The following AAR2 variants were observed in gnomAD, a reference collection of about 807,000 sequenced individuals.
AAR2 encodes the protein AAR2 splicing factor.
AAR2 carries 31 observed loss-of-function variants against 26.9 expected under a neutral mutation model. That is an observed-to-expected ratio of 1.15 (90% CI 0.86 to 1.55). The LOEUF (loss-of-function observed/expected upper bound fraction) is 1.55, where lower values mean the gene tolerates loss of function less well. Among genes scored for constraint, AAR2 ranks in the 40% most tolerant of loss-of-function variants. The pLI, the probability that AAR2 is intolerant of heterozygous loss-of-function variation, is 0.00. For missense variants in AAR2, 430 were observed against 491.3 expected (o/e 0.88, Z 1.18); for synonymous variants, 188 against 196.1 (o/e 0.96, Z 0.34).
chr20:36,246,217 C>A (rs1224829040), intron 3 of AAR2, among the ~76,000 whole-genome samples: 1 of 152,164 alleles, frequency 6.6e-6, no homozygotes, highest in East Asian at 1.9e-4. Flanking sequence ...CAGTGTGAAT[C>A]CCCCAGAAAG....
intron 1 of AAR2, among the ~76,000 whole-genome samples, chr20:36,237,750 G>GTAT (rs71184090): frequency 0.063 from 8,797 of 138,970 alleles, 332 homozygotes; most frequent in South Asian, 0.11. Flanking sequence ...AAGATGATAC[G>GTAT]TATTATTATT....
rs768485629 is a variant in AAR2, at chr20:36,240,228, G to A, written c.360G>A (p.Gln120=). Residue 120 remains glutamine (Q), a synonymous_variant, in exon 2 of 4, where the codon CAG becomes CAA. Coordinates refer to ENST00000320849, the MANE Select transcript of AAR2 (RefSeq NM_001271874.2). The part of the protein sequence containing the change: ...AMRANLQELD[Q]FLGPYPYATL... ...GGGCCAACCTCCAGGAGCTGGACCA[G>A]TTCCTGGGGCCTTACCCATATGCCA... 1.9e-6 allele frequency: 3 copies of A among 1,614,224 alleles called. No homozygotes were observed. In the South Asian group the frequency reaches 3.3e-5, roughly 18 times the overall value.
At chr20:36,243,402 C>G (rs1377169497) in intron 2 of AAR2, among the ~76,000 whole-genome samples, 1 of 152,212 alleles carries the variant, frequency 6.6e-6, no homozygotes, top group Non-Finnish European at 1.5e-5. Context: ...ACAAATCAAA[C>G]TTAGTTCCGT....
intron 3 of AAR2, 134 bp from the exon 4 acceptor site, chr20:36,255,444 G>A: frequency 1.0e-6 from 1 of 980,242 alleles, no homozygotes; most frequent in Non-Finnish European, 1.5e-6. Context: ...AGCATAGCAG[G>A]TGTCCTGGGC....
chr20:36,253,562 A>G (rs2147299847), intron 3 of AAR2, among the ~76,000 whole-genome samples: 1 of 152,284 alleles, frequency 6.6e-6, no homozygotes, highest in African/African-American at 2.4e-5. Flanking sequence ...AGAAGGAATC[A>G]TGGGTTTGCT....
rs1227716846 is a variant in AAR2 at position 36,239,839 on chromosome 20, G to A, written c.-30G>A. 7.9e-6 allele frequency: 12 copies of A among 1,525,716 alleles called. No individual in the cohort carries two copies. The highest frequency in any genetic ancestry group is 2.3e-5 in the East Asian group (1 of 43,896). 94.5% of individuals were successfully genotyped at this position (1,525,716 alleles called of 1,614,324 possible). ...TTCTCAGCTGTTCATCAAAGAAAAA[G>A]GGTTCTTTTGGTCACCCACCACTGG... is the stretch of plus-strand genomic sequence containing the variant. On this transcript the variant is annotated 5_prime_UTR_variant, in exon 2 of 4. Coordinates refer to ENST00000320849, the MANE Select transcript of AAR2 (RefSeq NM_001271874.2).
At chr20:36,242,892 CTG>C (rs2064698260) in intron 2 of AAR2, among the ~76,000 whole-genome samples, 1 of 134,358 alleles carries the variant, frequency 7.4e-6, no homozygotes, top group Non-Finnish European at 1.5e-5. Context: ...AGGTCTCACT[CTG>C]TGACATGGGC....
chr20:36,251,065 C>T (rs1020658409), intron 3 of AAR2, among the ~76,000 whole-genome samples: 1 of 151,980 alleles, frequency 6.6e-6, no homozygotes, highest in Non-Finnish European at 1.5e-5. Flanking sequence ...GGCATGGTGG[C>T]ATGTACCTAT....
At position 36,256,876 on chromosome 20, in the gene AAR2, T is replaced by C. The variant is rs1366087246; in HGVS notation, c.*1131T>C. On this transcript the variant is annotated 3_prime_UTR_variant, in exon 4 of 4. Coordinates refer to ENST00000320849, the MANE Select transcript of AAR2 (RefSeq NM_001271874.2). Reference sequence around the variant, plus strand: ...GTTGAGACTTTTGCTTCCACTTGTTTCCTTGGAGATGTTTTTCCAAGAGCA... The same window carrying C: ...GTTGAGACTTTTGCTTCCACTTGTTCCCTTGGAGATGTTTTTCCAAGAGCA... The C allele has an allele frequency of 1.3e-5, 2 of 152,676 alleles. No individual in the cohort carries two copies. The highest frequency in any genetic ancestry group is 2.9e-5 in the Non-Finnish European group (2 of 68,050). 9.5% of individuals were successfully genotyped at this position (152,676 alleles called of 1,614,324 possible).
At position 36,240,582 on chromosome 20, in the gene AAR2, T is replaced by C; in HGVS notation, c.714T>C (p.Thr238=). 6.2e-7 allele frequency: 1 copy of C among 1,612,992 alleles called. No individual in the cohort carries two copies. The highest frequency in any genetic ancestry group is 8.5e-7 in the Non-Finnish European group (1 of 1,179,684). Residue 238 remains threonine, a synonymous_variant, in exon 2 of 4, where the codon ACT becomes ACC. Coordinates refer to ENST00000320849, the MANE Select transcript of AAR2 (RefSeq NM_001271874.2). ...TGGACCTGAGCTATGCCCTGGAGAC[T>C]GTGCTCAACAAGCAGTTCCCCAGCA... ...HSMDLSYALE[T]VLNKQFPSSP...
chr20:36,246,379 C>T (rs1017071133), intron 3 of AAR2, among the ~76,000 whole-genome samples: 2 of 152,194 alleles, frequency 1.3e-5, no homozygotes, highest in African/African-American at 4.8e-5. Flanking sequence ...TAAACCATGG[C>T]AATGAGTCAG....
chr20:36,243,662 G>C (rs1601177840), intron 2 of AAR2, among the ~76,000 whole-genome samples: 1 of 152,200 alleles, frequency 6.6e-6, no homozygotes, highest in East Asian at 1.9e-4. Context: ...TCAGGTCTCT[G>C]TTTGAGATGG....
intron 3 of AAR2, among the ~76,000 whole-genome samples, chr20:36,247,373 C>G (rs1471979383): frequency 1.3e-5 from 2 of 152,236 alleles, no homozygotes; most frequent in East Asian, 3.9e-4. Flanking sequence ...CAGCTGTGAT[C>G]CTGCTTCTCT....
chr20:36,242,854 GTTTT>G (rs766390749), intron 2 of AAR2, among the ~76,000 whole-genome samples: 1 of 121,016 alleles, frequency 8.3e-6, no homozygotes, highest in Non-Finnish European at 1.7e-5. Flanking sequence ...AACTTTGTTG[GTTTT>G]TTTTTTTTTT....
rs550084068 is a variant in AAR2, at chr20:36,256,016, C to T, written c.*271C>T. The T allele has an allele frequency of 7.0e-4, 318 of 451,794 alleles. 2 individuals are homozygous for T. The highest frequency in any genetic ancestry group is 5.3e-3 in the South Asian group (152 of 28,944). The allele number at this position is 451,794 out of a possible 1,614,324, so 28.0% of individuals were successfully genotyped here. On this transcript the variant is annotated 3_prime_UTR_variant, in exon 4 of 4. Coordinates refer to ENST00000320849, the MANE Select transcript of AAR2 (RefSeq NM_001271874.2). The stretch of plus-strand genomic sequence containing the variant: ...TTTCACACAGGCTCTTACACACACA[C>T]GCTCCTAGGAGACATCTGCCTACAC...
Position 36,255,644 on chromosome 20 carries a change from C to G in AAR2, c.1054C>G (p.Gln352Glu). The part of the protein sequence containing the change: ...ATLRKKAEKF[Q>E]AHLTKKFRWD... Reference sequence around the variant, plus strand: ...CCTGAGAAAGAAAGCTGAAAAGTTCCAAGCTCACCTGACCAAGAAGTTCCG... The same window carrying G: ...CCTGAGAAAGAAAGCTGAAAAGTTCGAAGCTCACCTGACCAAGAAGTTCCG... The change falls in exon 4 of 4, where the codon CAA (glutamine) becomes GAA (glutamate). Residue 352 changes from glutamine (Q) to glutamate (E), a missense_variant. By Grantham distance (29) the Gln-to-Glu change is conservative (BLOSUM62 2). Transcript: ENST00000320849. The G allele has an allele frequency of 6.2e-7, 1 of 1,614,154 alleles. No homozygotes were observed. Among genetic ancestry groups the G allele is most frequent in the African/African-American group, 1.3e-5 (1 of 75,030 alleles).
rs770023911 is a variant in AAR2 at position 36,239,823 on chromosome 20, G to T, written c.-46G>T. ...ACTCTGGTTTCTTTCTTTCTCAGCT[G>T]TTCATCAAAGAAAAAGGGTTCTTTT... On this transcript the variant is annotated splice_region_variant and 5_prime_UTR_variant, in exon 2 of 4. Coordinates refer to ENST00000320849, the MANE Select transcript of AAR2 (RefSeq NM_001271874.2). 2.0e-6 allele frequency: 3 copies of T among 1,516,630 alleles called. No individual in the cohort carries two copies. In the African/African-American group the frequency reaches 4.2e-5, roughly 21 times the overall value. The allele number at this position is 1,516,630 out of a possible 1,614,324, so 93.9% of individuals were successfully genotyped here.
chr20:36,255,812 ACTT>A lies in AAR2; in HGVS notation c.*72_*74del. 1 of 1,570,868 alleles carries A rather than the reference ACTT, an allele frequency of 6.4e-7. No homozygotes were observed. The highest frequency in any genetic ancestry group is 8.7e-7 in the Non-Finnish European group (1 of 1,155,918). On this transcript the variant is annotated 3_prime_UTR_variant, in exon 4 of 4. Coordinates refer to ENST00000320849, the MANE Select transcript of AAR2 (RefSeq NM_001271874.2). Reference sequence around the variant, plus strand: ...GGCTGCAGTCCTGGCCTCTCCATTTACTTCTTCCCATCCTGGGACCTGCCAGGG... The same window carrying A: ...GGCTGCAGTCCTGGCCTCTCCATTTACTTCCCATCCTGGGACCTGCCAGGG...
intron 1 of AAR2, among the ~76,000 whole-genome samples, chr20:36,237,746 ATACG>A (rs1211468546): frequency 7.1e-6 from 1 of 141,790 alleles, no homozygotes; most frequent in East Asian, 2.0e-4. Context: ...TAGGAAGATG[ATACG>A]TATTATTATT....
Sources: allele counts gnomAD v4.1 joint callset (sites outside exome capture counted in the v4.1 genomes callset), GRCh38; gene constraint gnomAD v4.1.1; transcripts MANE v1.5; gene names NCBI Gene and HGNC (gene_info 2026-07-23, HGNC 2026-07-21).